Variants in SLCO1B3 observed in about 807,000 individuals in gnomAD.
The protein encoded by SLCO1B3 is liver-specific organic anion transporter 2.
In SLCO1B3, 72 loss-of-function variants were observed where a neutral mutation model predicts 71.8. The ratio of observed to expected loss-of-function variants is 1.00; its 90% CI spans 0.83 to 1.22. The LOEUF (loss-of-function observed/expected upper bound fraction) is 1.22. Ranked by LOEUF, SLCO1B3 falls within the 50% of genes most tolerant of loss-of-function variation. The probability of loss-of-function intolerance (pLI) is 0.00; values close to 1 mark genes in which losing one functional copy is unlikely to be tolerated. For synonymous variants in SLCO1B3, 298 were observed against 278.4 expected, an observed-to-expected ratio of 1.07 and a Z score of -0.70; for missense variants, 911 against 819.7, an observed-to-expected ratio of 1.11 and a Z score of -1.36.
intron 8 of SLCO1B3, among the ~76,000 whole-genome samples, chr12:20,870,952 T>C (rs528933202): frequency 1.3e-5 from 2 of 152,284 alleles, no homozygotes; most frequent in African/African-American, 4.8e-5. Context: ...ATCATATGAT[T>C]TTTACCTTTC....
rs370017892 is a variant in SLCO1B3, at chr12:20,904,838, AT to A, written c.1865+3372del. 8.9e-4 allele frequency among the ~76,000 whole-genome samples: 112 copies of A among 125,826 alleles called. 2 individuals carry two copies. In the South Asian group the frequency reaches 0.026, roughly 30 times the overall value. 82.5% of individuals were successfully genotyped at this position (125,826 alleles called of 152,430 possible). On this transcript the variant is annotated intron_variant, in intron 15 of 15. Coordinates refer to ENST00000381545, the MANE Select transcript of SLCO1B3 (RefSeq NM_019844.4). ...GCCCAGGCTGGAGTGCAGTGGCATG[AT>A]CTCAGCTTCCCGTAACCACCGCCTC...
intron 14 of SLCO1B3, among the ~76,000 whole-genome samples, chr12:20,900,671 A>C (rs1866111684): frequency 6.6e-6 from 1 of 152,176 alleles, no homozygotes; most frequent in African/African-American, 2.4e-5. Context: ...CCTGCAGCCC[A>C]GGTTGCTTTA....
At chr12:20,830,058 T>C (rs1864506964) in intron 3 of SLCO1B3, among the ~76,000 whole-genome samples, 1 of 152,204 alleles carries the variant, frequency 6.6e-6, no homozygotes, top group South Asian at 2.1e-4. Flanking sequence ...TGTCGGGGAC[T>C]GCAGCCCAGT....
chr12:20,869,589 G>A (rs1032033765), intron 8 of SLCO1B3, among the ~76,000 whole-genome samples: 1 of 152,148 alleles, frequency 6.6e-6, no homozygotes, highest in African/African-American at 2.4e-5. Flanking sequence ...CTCAGTATTT[G>A]TTCTTCTGTG....
chr12:20,830,593 A>C (rs1864519474), intron 3 of SLCO1B3, among the ~76,000 whole-genome samples: 1 of 152,212 alleles, frequency 6.6e-6, no homozygotes. Flanking sequence ...GCTTAGGAAC[A>C]AAAGAAAAAG....
At chr12:20,819,687 A>C in intron 3 of SLCO1B3, among the ~76,000 whole-genome samples, 1 of 152,176 alleles carries the variant, frequency 6.6e-6, no homozygotes, top group East Asian at 1.9e-4. Flanking sequence ...ATAGGCTTTA[A>C]AAGGCCATGC....
intron 15 of SLCO1B3, among the ~76,000 whole-genome samples, chr12:20,909,165 CTT>C (rs1006708034): frequency 5.7e-5 from 7 of 123,854 alleles, no homozygotes; most frequent in East Asian, 2.4e-4. Context: ...GCATCTTTTT[CTT>C]TTTTTTTTTT....
At chr12:20,859,396 C>T (rs955750389) in intron 5 of SLCO1B3, among the ~76,000 whole-genome samples, 13 of 152,158 alleles carry the variant, frequency 8.5e-5, no homozygotes, top group Non-Finnish European at 1.2e-4. Flanking sequence ...AGAAAGGATA[C>T]TGAGAGACAA....
chr12:20,859,110 G>GTGC (rs1367342684), intron 5 of SLCO1B3: 3 of 152,256 alleles, frequency 2.0e-5, no homozygotes, highest in Non-Finnish European at 4.4e-5. Flanking sequence ...TTTCATCATA[G>GTGC]TGCTATGCCT....
At chr12:20,837,848 T>C (rs1864715352) in intron 3 of SLCO1B3, among the ~76,000 whole-genome samples, 1 of 152,132 alleles carries the variant, frequency 6.6e-6, no homozygotes, top group Non-Finnish European at 1.5e-5. Flanking sequence ...TCCAGTTGAT[T>C]AATGGTGTTA....
chr12:20,871,151 T>C (rs1242538724), intron 8 of SLCO1B3, among the ~76,000 whole-genome samples: 1 of 152,144 alleles, frequency 6.6e-6, no homozygotes, highest in South Asian at 2.1e-4. Flanking sequence ...GTTTTTTTGA[T>C]GTGTGTTTGT....
intron 3 of SLCO1B3, among the ~76,000 whole-genome samples, chr12:20,852,836 T>A (rs1225904828): frequency 6.6e-6 from 1 of 152,174 alleles, no homozygotes; most frequent in Non-Finnish European, 1.5e-5. Flanking sequence ...TTTGGTAGAA[T>A]CTTTACATAT....
chr12:20,893,270 G>T (rs1017737061), intron 13 of SLCO1B3, among the ~76,000 whole-genome samples: 2 of 152,124 alleles, frequency 1.3e-5, no homozygotes, highest in African/African-American at 4.8e-5. Context: ...GAGAACATTG[G>T]GAGCATAATC....
chr12:20,849,711 TCACACACACA>T (rs146186543), intron 3 of SLCO1B3, among the ~76,000 whole-genome samples: 73 of 126,358 alleles, frequency 5.8e-4, no homozygotes, highest in Admixed American at 1.1e-3. Flanking sequence ...TAGTAGAAAA[TCACACACACA>T]CACACACACA....
Position 20,879,664 on chromosome 12 carries a change from A to T in SLCO1B3, c.1331+33A>T, listed in dbSNP as rs759808232. 4.5e-6 allele frequency: 6 copies of T among 1,336,052 alleles called. No individual in the cohort carries two copies. The South Asian group carries it at 8.6e-5, about 19-fold the overall frequency. 82.8% of individuals were successfully genotyped at this position (1,336,052 alleles called of 1,614,324 possible). A position where few individuals can be genotyped will look rare whatever the true frequency, so the allele number is the denominator to read the frequency against. On this transcript the variant is annotated intron_variant, in intron 11 of 15. Transcript: ENST00000381545. ...TATATTGCTATATAAATTGTGTAAT[A>T]TGTTAACCATCAAATTAAAAGATTA...
chr12:20,813,322 T>C (rs1275097877), intron 1 of SLCO1B3, among the ~76,000 whole-genome samples: 1 of 152,224 alleles, frequency 6.6e-6, no homozygotes, highest in Non-Finnish European at 1.5e-5. Context: ...TTAGAAAATT[T>C]GTCTAAACAC....
chr12:20,830,456 G>A (rs1244896790), intron 3 of SLCO1B3, among the ~76,000 whole-genome samples: 1 of 152,164 alleles, frequency 6.6e-6, no homozygotes, highest in Non-Finnish European at 1.5e-5. Flanking sequence ...AGAGAAAAAT[G>A]AGCAGGTAGG....
chr12:20,833,831 CAGTT>C (rs566501826), intron 3 of SLCO1B3, among the ~76,000 whole-genome samples: 120 of 147,182 alleles, frequency 8.2e-4, no homozygotes, highest in South Asian at 3.6e-3. Flanking sequence ...TGCACACACA[CAGTT>C]TGTGTTTAAA....
At chr12:20,813,304 A>T (rs1209462668) in intron 1 of SLCO1B3, among the ~76,000 whole-genome samples, 2 of 152,212 alleles carry the variant, frequency 1.3e-5, no homozygotes, top group Non-Finnish European at 2.9e-5. Flanking sequence ...TTATTCACAG[A>T]TTCTATATTA....
Sources: allele counts gnomAD v4.1 joint callset (sites outside exome capture counted in the v4.1 genomes callset), GRCh38; gene constraint gnomAD v4.1.1; transcripts MANE v1.5; gene names NCBI Gene and HGNC (gene_info 2026-07-23, HGNC 2026-07-21).